ERBB4: variants seen among roughly 807,000 people sequenced by gnomAD.
The protein encoded by ERBB4 is erb-b2 receptor tyrosine kinase 4.
Under a neutral mutation model 158.0 loss-of-function variants are expected in ERBB4, and 42 were observed. The ratio of observed to expected loss-of-function variants is 0.27; its 90% confidence interval spans 0.21 to 0.34. The LOEUF (loss-of-function observed/expected upper bound fraction) is 0.34, where lower values mean the gene tolerates loss of function less well. ERBB4 is among the 10% of genes least tolerant of loss of function. The pLI, the probability that ERBB4 is intolerant of heterozygous loss-of-function variation, is 1.00. For missense variants in ERBB4, 1,333 were observed against 1,624.1 expected (o/e 0.82, Z 3.08); for synonymous variants, 583 against 558.7 (o/e 1.04, Z -0.61).
chr2:211,624,115 C>T, intron 17 of ERBB4, 71 bp from the exon 18 acceptor site: 1 of 1,589,498 alleles, frequency 6.3e-7, no homozygotes. Flanking sequence ...CTCTCTCTCT[C>T]TCTCTCTCTT....
intron 1 of ERBB4, among the ~76,000 whole-genome samples, chr2:212,500,367 G>A (rs1690820395): frequency 6.6e-6 from 1 of 152,054 alleles, no homozygotes; most frequent in Non-Finnish European, 1.5e-5. Context: ...ATTGAAAACT[G>A]GGTAGACAAT....
chr2:211,726,623 A>T (rs1279962485), intron 5 of ERBB4, among the ~76,000 whole-genome samples: 1 of 152,124 alleles, frequency 6.6e-6, no homozygotes. Context: ...ATTCCTCAGT[A>T]CTTTCCCTCC....
intron 2 of ERBB4, among the ~76,000 whole-genome samples, chr2:211,997,123 T>C: frequency 7.5e-6 from 1 of 133,154 alleles, no homozygotes; most frequent in East Asian, 1.9e-4. Context: ...GTATCTAGTG[T>C]CTTGCATTTA....
intron 1 of ERBB4, among the ~76,000 whole-genome samples, chr2:212,450,662 G>T (rs1485863013): frequency 6.6e-6 from 1 of 152,048 alleles, no homozygotes; most frequent in Non-Finnish European, 1.5e-5. Context: ...TATGTTCTTA[G>T]TAATTTGTTA....
chr2:211,905,681 T>TATATATATATAC (rs1480195605), intron 3 of ERBB4, among the ~76,000 whole-genome samples: 10 of 110,636 alleles, frequency 9.0e-5, no homozygotes, highest in East Asian at 4.6e-4. Flanking sequence ...TATATATATA[T>TATATATATATAC]ACACACATAT....
In ERBB4 at chr2:212,241,171, C is replaced by T. The variant is rs115538390; in HGVS notation, c.83-116268G>A. On this transcript the variant is annotated intron_variant, in intron 1 of 27. Coordinates refer to ENST00000342788, the MANE Select transcript of ERBB4 (RefSeq NM_005235.3). ...CTTTGGGAGGTTGAGGCAGGAGGTT[C>T]GCTTGAGCCCAGGAGGTTGAGGCTG... Among the ~76,000 whole-genome samples, 794 of 152,026 alleles carry T rather than the reference C, an allele frequency of 5.2e-3. 3 individuals are homozygous for T. Among genetic ancestry groups the T allele is most frequent in the Non-Finnish European group, 8.5e-3 (576 of 67,996 alleles).
intron 25 of ERBB4, among the ~76,000 whole-genome samples, chr2:211,407,678 C>G (rs2063174041): frequency 6.6e-6 from 1 of 152,160 alleles, no homozygotes; most frequent in Admixed American, 6.5e-5. Context: ...TAATGAGAGG[C>G]TGGTCCACAG....
chr2:212,254,161 C>T (rs2084639925), intron 1 of ERBB4, among the ~76,000 whole-genome samples: 1 of 151,894 alleles, frequency 6.6e-6, no homozygotes. Flanking sequence ...AAATAACATA[C>T]AATTTTAAAT....
intron 1 of ERBB4, among the ~76,000 whole-genome samples, chr2:212,524,958 G>T (rs76966573): frequency 2.0e-5 from 3 of 152,010 alleles, no homozygotes; most frequent in Non-Finnish European, 4.4e-5. Flanking sequence ...ATTGTGCCAC[G>T]TATTAACTCT....
At chr2:212,524,688 T>TC (rs950952578) in intron 1 of ERBB4, among the ~76,000 whole-genome samples, 7 of 151,988 alleles carry the variant, frequency 4.6e-5, no homozygotes, top group African/African-American at 1.7e-4. Flanking sequence ...TTAAGTCATT[T>TC]TTTTTAACTT....
intron 19 of ERBB4, among the ~76,000 whole-genome samples, chr2:211,579,530 A>G (rs934752035): frequency 2.0e-5 from 3 of 152,200 alleles, no homozygotes; most frequent in African/African-American, 7.2e-5. Flanking sequence ...TCACAATAGC[A>G]AAGACATGGA....
chr2:211,871,507 TAA>T (rs547311934), intron 3 of ERBB4, among the ~76,000 whole-genome samples: 12 of 139,908 alleles, frequency 8.6e-5, no homozygotes, highest in Admixed American at 1.4e-4. Context: ...GCTTTGGCAT[TAA>T]AAAAAAAAAA....
At chr2:211,511,678 T>G (rs192819660) in intron 20 of ERBB4, among the ~76,000 whole-genome samples, 15 of 152,202 alleles carry the variant, frequency 9.9e-5, no homozygotes, top group Admixed American at 8.5e-4. Flanking sequence ...ATCCATTGTT[T>G]AATTGTGATC....
chr2:211,641,831 C>T (rs6435646), intron 16 of ERBB4, among the ~76,000 whole-genome samples: 143,067 of 152,074 alleles, frequency 0.94, 67,667 homozygotes, highest in East Asian at 1. Context: ...TTAGACACTA[C>T]TAGACCAAAC....
chr2:211,736,567 A>G (rs894095282), intron 5 of ERBB4, among the ~76,000 whole-genome samples: 2 of 152,194 alleles, frequency 1.3e-5, no homozygotes, highest in Non-Finnish European at 2.9e-5. Flanking sequence ...ATGTACAGCA[A>G]ATTAGCCTTC....
intron 2 of ERBB4, among the ~76,000 whole-genome samples, chr2:212,121,249 T>G (rs1039416355): frequency 6.6e-6 from 1 of 152,240 alleles, no homozygotes; most frequent in Non-Finnish European, 1.5e-5. Context: ...TGTTTGTTTT[T>G]GAGACGGAGT....
intron 1 of ERBB4, among the ~76,000 whole-genome samples, chr2:212,190,285 C>G (rs1054123244): frequency 5.3e-5 from 8 of 152,128 alleles, no homozygotes; most frequent in Non-Finnish European, 5.9e-5. Flanking sequence ...GCCTGTAATC[C>G]CAGCACTTTG....
intron 1 of ERBB4, among the ~76,000 whole-genome samples, chr2:212,273,317 T>C (rs562858251): frequency 6.6e-6 from 1 of 151,940 alleles, no homozygotes; most frequent in East Asian, 1.9e-4. Flanking sequence ...TTAGCCCAAT[T>C]CATTGATAAA....
chr2:212,081,618 T>C (rs1400795843), intron 2 of ERBB4, among the ~76,000 whole-genome samples: 1 of 152,168 alleles, frequency 6.6e-6, no homozygotes, highest in African/African-American at 2.4e-5. Flanking sequence ...CAAGTGCTTA[T>C]GAATAGGTTC....
Sources: gnomAD v4.1 joint callset for allele counts (sites outside exome capture counted in the v4.1 genomes callset) on GRCh38, gnomAD v4.1.1 for gene constraint, MANE v1.5 for transcripts, NCBI Gene and HGNC (gene_info 2026-07-23, HGNC 2026-07-21) for gene names.